KCMF1: variants seen among roughly 807,000 people sequenced by gnomAD.
KCMF1 encodes potassium channel modulatory factor 1.
A neutral mutation model predicts 41.1 loss-of-function variants in KCMF1; 3 were observed. The ratio of observed to expected loss-of-function variants is 0.07; its 90% CI spans 0.03 to 0.19. The LOEUF is 0.19. KCMF1 is among the 10% of genes least tolerant of loss of function. The pLI, the probability that KCMF1 is intolerant of heterozygous loss-of-function variation, is 1.00. For missense variants in KCMF1, 286 were observed against 488.9 expected, an observed-to-expected ratio of 0.58 and a Z score of 3.91; for synonymous variants, 142 against 164.5, an observed-to-expected ratio of 0.86 and a Z score of 1.04.
intron 1 of KCMF1, among the ~76,000 whole-genome samples, chr2:85,010,907 A>G (rs1203522242): frequency 6.6e-6 from 1 of 150,382 alleles, no homozygotes; most frequent in African/African-American, 2.5e-5. Context: ...GCAGTGGCAT[A>G]ATCTCAGCTC....
chr2:85,034,964 TTA>T (rs1328064675), intron 2 of KCMF1, 50 bp from the exon 3 acceptor site: 23 of 1,455,026 alleles, frequency 1.6e-5, no homozygotes, highest in Non-Finnish European at 2.1e-5. Context: ...GATTACATTT[TTA>T]TATGTTTAAA....
chr2:85,036,989 C>T (rs1675418814), intron 3 of KCMF1, among the ~76,000 whole-genome samples: 1 of 150,806 alleles, frequency 6.6e-6, no homozygotes, highest in Non-Finnish European at 1.5e-5. Context: ...TGGTTTGCCC[C>T]ATGCCCCCCC....
chr2:84,983,702 G>A (rs909598346), intron 1 of KCMF1, among the ~76,000 whole-genome samples: 1 of 152,106 alleles, frequency 6.6e-6, no homozygotes, highest in Non-Finnish European at 1.5e-5. Flanking sequence ...GTTGAAATGG[G>A]GTTTCACTGT....
rs756190731 is a variant in KCMF1 at position 85,046,153 on chromosome 2, G to A, written c.476G>A (p.Arg159Gln). 3 of 1,613,572 alleles carry A rather than the reference G, an allele frequency of 1.9e-6. No homozygotes were observed. Among genetic ancestry groups the A allele is most frequent in the East Asian group, 2.2e-5 (1 of 44,870 alleles). ...RHVRRMFHPGRGLGGPRARRS... is the reference protein window; with the variant it reads ...RHVRRMFHPGQGLGGPRARRS... ...GTACGTAGAATGTTTCACCCTGGCC[G>A]GGGATTAGGAGGTCCTCGTGCTCGT... Residue 159 changes from arginine (R) to glutamine (Q), a missense_variant, in exon 5 of 7, where the codon CGG becomes CAG. Arg to Gln is a conservative substitution (Grantham distance 43, BLOSUM62 1). Transcript: ENST00000409785.
intron 3 of KCMF1, among the ~76,000 whole-genome samples, chr2:85,038,673 T>G (rs1183255010): frequency 6.6e-6 from 1 of 152,206 alleles, no homozygotes; most frequent in Non-Finnish European, 1.5e-5. Flanking sequence ...AGGTTTTGTA[T>G]GATGGCTTTA....
intron 1 of KCMF1, among the ~76,000 whole-genome samples, chr2:85,000,180 C>T (rs1369206898): frequency 1.3e-5 from 2 of 151,788 alleles, no homozygotes; most frequent in Non-Finnish European, 1.5e-5. Context: ...GGCTGGAGTG[C>T]AGTGGCACAG....
chr2:84,971,438 C>T lies in KCMF1; in HGVS notation c.-14C>T. 1 of 1,265,656 alleles carries T rather than the reference C, an allele frequency of 7.9e-7. No homozygotes were observed. The highest frequency in any genetic ancestry group is 1.0e-6 in the Non-Finnish European group (1 of 985,138). The allele number at this position is 1,265,656 out of a possible 1,614,324, so 78.4% of individuals were successfully genotyped here. A position where few individuals can be genotyped will look rare whatever the true frequency, so the allele number is the denominator to read the frequency against. On this transcript the variant is annotated 5_prime_UTR_variant, in exon 1 of 7. Transcript: ENST00000409785. The stretch of plus-strand genomic sequence containing the variant: ...GAGCCCGGGAGGGGCCGCGCCGCCA[C>T]CGTCTGAACTAGGATGTCCCGACAT...
chr2:85,052,456 C>G (rs1384023277), intron 6 of KCMF1, among the ~76,000 whole-genome samples: 1 of 152,132 alleles, frequency 6.6e-6, no homozygotes, highest in Non-Finnish European at 1.5e-5. Flanking sequence ...TCATTTATAT[C>G]CTAAATGTTA....
chr2:85,041,185 T>C (rs1342332746), intron 3 of KCMF1, among the ~76,000 whole-genome samples: 1 of 152,224 alleles, frequency 6.6e-6, no homozygotes, highest in Non-Finnish European at 1.5e-5. Context: ...TGGTTGGTTT[T>C]ATATTATTTC....
Position 85,046,245 on chromosome 2 carries a change from C to G in KCMF1, c.568C>G (p.Pro190Ala). The change falls in exon 5 of 7, where the codon CCA becomes GCA. Residue 190 changes from proline to alanine, a missense_variant. Coordinates refer to ENST00000409785, the MANE Select transcript of KCMF1 (RefSeq NM_020122.5). The part of the protein sequence containing the change: ...GLSSSQSSYS[P>A]SNREAMDPIA... ...TTCTTCTTCTCAGAGTTCATATTCT[C>G]CAAGCAATAGGGAAGCCATGGATCC... is the stretch of plus-strand genomic sequence containing the variant. 1 of 1,613,096 alleles carries G rather than the reference C, an allele frequency of 6.2e-7. No individual in the cohort carries two copies. The highest frequency in any genetic ancestry group is 8.5e-7 in the Non-Finnish European group (1 of 1,179,472).
intron 1 of KCMF1, among the ~76,000 whole-genome samples, chr2:85,002,511 T>C (rs989261181): frequency 7.2e-5 from 11 of 152,356 alleles, no homozygotes; most frequent in African/African-American, 2.6e-4. Flanking sequence ...TTTTTCCTAA[T>C]GTTAATAGTT....
At chr2:85,021,437 T>C (rs950462355) in intron 1 of KCMF1, among the ~76,000 whole-genome samples, 1 of 152,022 alleles carries the variant, frequency 6.6e-6, no homozygotes, top group African/African-American at 2.4e-5. Flanking sequence ...TCCTGGCCAA[T>C]GTGGTGAAAC....
At chr2:85,046,784 G>T (rs946547548) in intron 5 of KCMF1, among the ~76,000 whole-genome samples, 4 of 151,992 alleles carry the variant, frequency 2.6e-5, no homozygotes, top group African/African-American at 9.7e-5. Flanking sequence ...TACTCTTCTG[G>T]CATTGCTTAA....
At chr2:85,013,876 TC>T (rs1347366071) in intron 1 of KCMF1, 2 of 152,064 alleles carry the variant, frequency 1.3e-5, no homozygotes, top group African/African-American at 2.4e-5. Flanking sequence ...TAAATGTGTT[TC>T]CCCCCTTTCA....
chr2:85,029,079 C>T (rs749155915), intron 2 of KCMF1, among the ~76,000 whole-genome samples: 3 of 152,138 alleles, frequency 2.0e-5, no homozygotes, highest in African/African-American at 7.2e-5. Flanking sequence ...AAGCAATTCT[C>T]GTGCCTCAGC....
chr2:85,001,486 G>C (rs567268159), intron 1 of KCMF1, among the ~76,000 whole-genome samples: 1 of 152,144 alleles, frequency 6.6e-6, no homozygotes, highest in African/African-American at 2.4e-5. Flanking sequence ...TTAAAGTTTT[G>C]GGTTTTTAGT....
chr2:84,971,364 G>T lies in KCMF1; in HGVS notation c.-88G>T. ...GAGCCCGGGAGTCGAGTGGGAGTCG[G>T]CCGGCCGGCGCGGGCAGCGCCGGGA... On this transcript the variant is annotated 5_prime_UTR_variant, in exon 1 of 7. Transcript: ENST00000409785. The T allele has an allele frequency of 1.1e-6, 1 of 887,770 alleles. No individual in the cohort carries two copies. Among genetic ancestry groups the T allele is most frequent in the Non-Finnish European group, 1.4e-6 (1 of 724,552 alleles). 55.0% of individuals were successfully genotyped at this position (887,770 alleles called of 1,614,324 possible).
At chr2:85,000,236 C>T (rs1285773362) in intron 1 of KCMF1, among the ~76,000 whole-genome samples, 6 of 152,096 alleles carry the variant, frequency 3.9e-5, no homozygotes, top group Non-Finnish European at 8.8e-5. Flanking sequence ...CGCCATTCTC[C>T]TGCCTCAGCC....
chr2:84,976,249 C>T (rs986444723), intron 1 of KCMF1, among the ~76,000 whole-genome samples: 1 of 150,790 alleles, frequency 6.6e-6, no homozygotes. Context: ...CTCTGTCGCC[C>T]AGGCTGGAAT....
Sources: allele counts gnomAD v4.1 joint callset (sites outside exome capture counted in the v4.1 genomes callset), GRCh38; gene constraint gnomAD v4.1.1; transcripts MANE v1.5; gene names NCBI Gene and HGNC (gene_info 2026-07-23, HGNC 2026-07-21).